Variants in CSMD1 observed in about 807,000 individuals in gnomAD.
The protein encoded by CSMD1 is CUB and Sushi multiple domains 1, also known as CUB and sushi domain-containing protein 1.
A neutral mutation model predicts 417.5 loss-of-function variants in CSMD1; 213 were observed. The ratio of observed to expected loss-of-function variants is 0.51; its 90% confidence interval spans 0.46 to 0.57. The LOEUF (loss-of-function observed/expected upper bound fraction) is 0.57, where lower values mean the gene tolerates loss of function less well. CSMD1 is among the 20% of genes least tolerant of loss of function. CSMD1 has a pLI of 0.00. For synonymous variants in CSMD1, 2,862 were observed against 1,736.8 expected (o/e 1.65, Z -16.11); for missense variants, 6,923 against 4,529.7 (o/e 1.53, Z -15.17).
At chr8:3,635,774 C>T (rs1254735465) in intron 7 of CSMD1, among the ~76,000 whole-genome samples, 18 of 140,634 alleles carry the variant, frequency 1.3e-4, no homozygotes, top group South Asian at 2.2e-4. Context: ...TGAACCTCTG[C>T]GCCCAGCTGC....
chr8:3,267,855 C>A (rs1801547387), intron 26 of CSMD1, among the ~76,000 whole-genome samples: 2 of 152,158 alleles, frequency 1.3e-5, no homozygotes, highest in South Asian at 2.1e-4. Flanking sequence ...TGTGCAGGAC[C>A]CTGGCAGGGC....
chr8:3,170,230 C>G (rs989433808), intron 37 of CSMD1, among the ~76,000 whole-genome samples: 2 of 151,972 alleles, frequency 1.3e-5, no homozygotes, highest in Admixed American at 1.3e-4. Flanking sequence ...TTTTTTGAGA[C>G]GGAGTCTCGC....
chr8:3,008,687 A>C (rs1242602468), intron 52 of CSMD1, among the ~76,000 whole-genome samples: 1 of 152,180 alleles, frequency 6.6e-6, no homozygotes, highest in African/African-American at 2.4e-5. Context: ...GTTTTAGAGG[A>C]GGAATCTTAC....
intron 6 of CSMD1, among the ~76,000 whole-genome samples, chr8:3,721,980 C>G (rs552804288): frequency 2.0e-4 from 31 of 152,268 alleles, no homozygotes; most frequent in African/African-American, 7.2e-4. Context: ...CTGCTGTCCC[C>G]AAGCCCCCCA....
intron 1 of CSMD1, among the ~76,000 whole-genome samples, chr8:4,648,365 T>C (rs1009888711): frequency 6.6e-6 from 1 of 152,204 alleles, no homozygotes; most frequent in Admixed American, 6.5e-5. Flanking sequence ...TTCTCTGTGA[T>C]CTACGGGATT....
At chr8:3,219,904 C>G (rs533737467) in intron 28 of CSMD1, among the ~76,000 whole-genome samples, 2 of 151,452 alleles carry the variant, frequency 1.3e-5, no homozygotes, top group African/African-American at 4.9e-5. Context: ...AGTAGAATTA[C>G]TGACTATTCT....
chr8:3,438,568 G>C (rs1032677892), intron 12 of CSMD1, among the ~76,000 whole-genome samples: 1 of 152,178 alleles, frequency 6.6e-6, no homozygotes, highest in African/African-American at 2.4e-5. Flanking sequence ...GTTGGTGCTT[G>C]TATCAATAGT....
At chr8:4,294,619 T>A (rs1401675039) in intron 3 of CSMD1, among the ~76,000 whole-genome samples, 1 of 152,118 alleles carries the variant, frequency 6.6e-6, no homozygotes, top group Non-Finnish European at 1.5e-5. Context: ...ACCCTGAACA[T>A]TCCAGAACAA....
intron 1 of CSMD1, among the ~76,000 whole-genome samples, chr8:4,834,164 G>A (rs1800321105): frequency 1.3e-5 from 2 of 152,148 alleles, no homozygotes; most frequent in Admixed American, 1.3e-4. Context: ...ATAAAACAAG[G>A]ATGTGTTATG....
At chr8:3,131,900 T>C (rs956266589) in intron 41 of CSMD1, among the ~76,000 whole-genome samples, 3 of 152,238 alleles carry the variant, frequency 2.0e-5, no homozygotes, top group African/African-American at 7.2e-5. Context: ...AATAGATTCC[T>C]TGAATTCTAT....
At chr8:3,837,502 G>C (rs1802788687) in intron 5 of CSMD1, among the ~76,000 whole-genome samples, 3 of 152,124 alleles carry the variant, frequency 2.0e-5, no homozygotes, top group Admixed American at 2.0e-4. Flanking sequence ...CAAGATGTGA[G>C]ATCCTGAGGA....
At chr8:4,579,644 G>C (rs1019096207) in intron 2 of CSMD1, among the ~76,000 whole-genome samples, 1 of 152,074 alleles carries the variant, frequency 6.6e-6, no homozygotes, top group Non-Finnish European at 1.5e-5. Context: ...TTACAGGTGT[G>C]AGCCATCATG....
At chr8:4,592,111 C>T (rs1585300213) in intron 2 of CSMD1, among the ~76,000 whole-genome samples, 1 of 151,990 alleles carries the variant, frequency 6.6e-6, no homozygotes, top group East Asian at 1.9e-4. Flanking sequence ...TAACGAGCGG[C>T]TTTGCTGGCA....
chr8:3,428,418 G>A (rs557579521), intron 12 of CSMD1, among the ~76,000 whole-genome samples: 12 of 152,076 alleles, frequency 7.9e-5, no homozygotes, highest in Admixed American at 7.2e-4. Flanking sequence ...GAAATGGCAC[G>A]AGAAACGAAA....
At chr8:4,523,289 C>T (rs1053496686) in intron 2 of CSMD1, among the ~76,000 whole-genome samples, 5 of 152,094 alleles carry the variant, frequency 3.3e-5, no homozygotes, top group Middle Eastern at 3.2e-3. Flanking sequence ...CTGGTTTTTA[C>T]GTTATCTCTT....
At chr8:4,381,514 G>A (rs368836625) in intron 3 of CSMD1, among the ~76,000 whole-genome samples, 68 of 152,210 alleles carry the variant, frequency 4.5e-4, no homozygotes, top group African/African-American at 1.3e-3. Flanking sequence ...ACAAAACAAG[G>A]TCATTATATT....
chr8:4,879,868 G>T (rs1480416869), intron 1 of CSMD1, among the ~76,000 whole-genome samples: 2 of 151,930 alleles, frequency 1.3e-5, no homozygotes, highest in African/African-American at 2.4e-5. Context: ...AAATAAAATC[G>T]ATCAATCAAA....
chr8:3,715,892 T>C (rs1801802481), intron 6 of CSMD1, among the ~76,000 whole-genome samples: 1 of 152,208 alleles, frequency 6.6e-6, no homozygotes, highest in African/African-American at 2.4e-5. Context: ...ACAGGAATCT[T>C]TCCCTCCACA....
At position 3,904,187 on chromosome 8, in the gene CSMD1, G is replaced by A. The variant is rs549076125; in HGVS notation, c.818+93716C>T. Among the ~76,000 whole-genome samples the A allele has an allele frequency of 7.2e-5, 11 of 152,122 alleles. No individual in the cohort carries two copies. The South Asian group carries it at 1.3e-3, about 17-fold the overall frequency. On this transcript the variant is annotated intron_variant, in intron 5 of 69. Coordinates refer to ENST00000635120, the MANE Select transcript of CSMD1 (RefSeq NM_033225.6). ...CTACAATACATGTTTCTGGAGAACCGGCCTGTGTCTCATTCTGAAGTAACT... is the reference window on the plus strand; with the variant it reads ...CTACAATACATGTTTCTGGAGAACCAGCCTGTGTCTCATTCTGAAGTAACT...
Sources: allele counts gnomAD v4.1 joint callset (sites outside exome capture counted in the v4.1 genomes callset), GRCh38; gene constraint gnomAD v4.1.1; transcripts MANE v1.5; gene names NCBI Gene and HGNC (gene_info 2026-07-23, HGNC 2026-07-21).